SLC22A23: variants seen among roughly 807,000 people sequenced by gnomAD.
SLC22A23 encodes ion transporter protein.
Under a neutral mutation model 61.0 loss-of-function variants are expected in SLC22A23, and 26 were observed. The ratio of observed to expected loss-of-function variants is 0.43; its 90% CI spans 0.31 to 0.59. The LOEUF is 0.59. SLC22A23 is among the 20% of genes least tolerant of loss of function. The pLI, the probability that SLC22A23 is intolerant of heterozygous loss-of-function variation, is 0.11. For missense variants in SLC22A23, 796 were observed against 934.7 expected, an observed-to-expected ratio of 0.85 and a Z score of 1.94; for synonymous variants, 430 against 413.9, an observed-to-expected ratio of 1.04 and a Z score of -0.47.
chr6:3,433,788 C>T (rs543162967), intron 1 of SLC22A23, among the ~76,000 whole-genome samples: 316 of 152,268 alleles, frequency 2.1e-3, no homozygotes, highest in African/African-American at 7.2e-3. Flanking sequence ...ACTGACACGG[C>T]GGACCACAGG....
chr6:3,394,259 C>G (rs1282301463), intron 3 of SLC22A23, among the ~76,000 whole-genome samples: 1 of 152,112 alleles, frequency 6.6e-6, no homozygotes, highest in Non-Finnish European at 1.5e-5. Context: ...AGAACAAGAT[C>G]CGTGTATCAC....
rs1208394544 is a variant in SLC22A23 at position 3,270,160 on chromosome 6, A to T, written c.*2895T>A. The stretch of plus-strand genomic sequence containing the variant: ...AAGGCTGACAGGGTAGGCTAGCGGA[A>T]CGGAGGGGTGTGTGGAGGAGAGTAG... On this transcript the variant is annotated 3_prime_UTR_variant, in exon 10 of 10. Coordinates refer to ENST00000406686, the MANE Select transcript of SLC22A23 (RefSeq NM_015482.2). 6.6e-6 allele frequency: 1 copy of T among 152,388 alleles called. No individual in the cohort carries two copies. The highest frequency in any genetic ancestry group is 1.5e-5 in the Non-Finnish European group (1 of 68,066). 9.4% of individuals were successfully genotyped at this position (152,388 alleles called of 1,614,324 possible).
At chr6:3,406,388 G>A (rs559538612) in intron 3 of SLC22A23, among the ~76,000 whole-genome samples, 4 of 152,280 alleles carry the variant, frequency 2.6e-5, no homozygotes, top group South Asian at 2.1e-4. Flanking sequence ...AACCAATCAC[G>A]TCCGCCTATG....
rs531485668 is a variant in SLC22A23 at position 3,383,502 on chromosome 6, G to A, written c.913+26686C>T. On this transcript the variant is annotated intron_variant, in intron 3 of 9. Transcript: ENST00000406686. ...CCGTGGTTAAATAAAACCAAACCAT[G>A]TTGAACACAGAGTCAGTGTGACGAG... 2.3e-4 allele frequency among the ~76,000 whole-genome samples: 35 copies of A among 152,314 alleles called. No homozygotes were observed. The South Asian group carries it at 7.3e-3, about 32-fold the overall frequency.
chr6:3,428,928 A>G (rs1770679047), intron 1 of SLC22A23, among the ~76,000 whole-genome samples: 1 of 152,138 alleles, frequency 6.6e-6, no homozygotes, highest in Non-Finnish European at 1.5e-5. Flanking sequence ...AGCCTTTAGC[A>G]TGTTAATGTG....
intron 3 of SLC22A23, among the ~76,000 whole-genome samples, chr6:3,380,927 C>G (rs1366250007): frequency 6.6e-6 from 1 of 152,092 alleles, no homozygotes; most frequent in African/African-American, 2.4e-5. Flanking sequence ...ACTGAATGCT[C>G]CAGCCCAGAA....
intron 3 of SLC22A23, among the ~76,000 whole-genome samples, chr6:3,381,596 A>G (rs1302851597): frequency 1.3e-5 from 2 of 152,094 alleles, no homozygotes; most frequent in Admixed American, 6.5e-5. Context: ...TGTGCTCCCA[A>G]TCCCAGCTCT....
intron 3 of SLC22A23, among the ~76,000 whole-genome samples, chr6:3,353,885 G>A (rs1216602908): frequency 3.3e-5 from 5 of 152,288 alleles, no homozygotes; most frequent in Admixed American, 2.0e-4. Flanking sequence ...TGACAGCATC[G>A]AGGAAGCCTC....
In SLC22A23 at chr6:3,333,921, C is replaced by T. The variant is rs954533982; in HGVS notation, c.914-9919G>A. ...CTGCAGTATACTTTGCAAATATTAG[C>T]CACTGAATCCTCCTCATAAGCGGAT... On this transcript the variant is annotated intron_variant, in intron 3 of 9. Coordinates refer to ENST00000406686, the MANE Select transcript of SLC22A23 (RefSeq NM_015482.2). The surrounding 1 kb of genome is among the most constrained non-coding windows in gnomAD (Gnocchi z 4.1). 6.6e-6 allele frequency among the ~76,000 whole-genome samples: 1 copy of T among 152,228 alleles called. No individual in the cohort carries two copies. Among genetic ancestry groups the T allele is most frequent in the South Asian group, 2.1e-4 (1 of 4,836 alleles).
chr6:3,276,228 C>T (rs1197340526), intron 9 of SLC22A23, among the ~76,000 whole-genome samples: 1 of 152,214 alleles, frequency 6.6e-6, no homozygotes, highest in African/African-American at 2.4e-5. Context: ...TTGCAGTCCA[C>T]CCATCTGCAT....
chr6:3,287,992 T>C (rs1258100090), intron 6 of SLC22A23, among the ~76,000 whole-genome samples: 1 of 152,210 alleles, frequency 6.6e-6, no homozygotes, highest in South Asian at 2.1e-4. Flanking sequence ...GCCTCCGTTT[T>C]GATTCTTAAT....
In SLC22A23 at chr6:3,272,734, C is replaced by T. The variant is rs550400917; in HGVS notation, c.*321G>A. 20 of 199,506 alleles carry T rather than the reference C, an allele frequency of 1.0e-4. No individual in the cohort carries two copies. The South Asian group carries it at 2.0e-3, about 20-fold the overall frequency. The allele number at this position is 199,506 out of a possible 1,614,324, so 12.4% of individuals were successfully genotyped here. ...CTGTGGCATCTTCCCAGAGCAACTG[C>T]GTCTCGCTGCCCAGGGAGGTGATTC... On this transcript the variant is annotated 3_prime_UTR_variant, in exon 10 of 10. Transcript: ENST00000406686.
Position 3,309,084 on chromosome 6 carries a change from G to A in SLC22A23, c.1083-10866C>T, listed in dbSNP as rs1185614155. On this transcript the variant is annotated intron_variant, in intron 4 of 9. Coordinates refer to ENST00000406686, the MANE Select transcript of SLC22A23 (RefSeq NM_015482.2). This position sits in a 1 kb window ranked among gnomAD's most constrained non-coding sequence, Gnocchi z 4.7. The stretch of plus-strand genomic sequence containing the variant: ...GGAGGCTGAGGTGGGTGGATCATTT[G>A]AGGTCAGGAGTTTGAGACCAGCCTG... Among the ~76,000 whole-genome samples the A allele has an allele frequency of 1.3e-5, 2 of 151,478 alleles. No individual in the cohort carries two copies. The highest frequency in any genetic ancestry group is 3.9e-4 in the East Asian group (2 of 5,132).
In SLC22A23 at chr6:3,414,182, C is replaced by T. The variant is rs1025050520; in HGVS notation, c.758+1570G>A. ...TTAAATTATTTATTGAATAAGGACA[C>T]TACAACCCCAGTTGAGTTTGCATTT... On this transcript the variant is annotated intron_variant, in intron 2 of 9. Transcript: ENST00000406686. The surrounding 1 kb of genome is among the most constrained non-coding windows in gnomAD (Gnocchi z 5.1). Among the ~76,000 whole-genome samples, 2 of 152,196 alleles carry T rather than the reference C, an allele frequency of 1.3e-5. No homozygotes were observed. The highest frequency in any genetic ancestry group is 4.8e-5 in the African/African-American group (2 of 41,448).
chr6:3,433,128 A>G (rs1248189660), intron 1 of SLC22A23, among the ~76,000 whole-genome samples: 1 of 152,248 alleles, frequency 6.6e-6, no homozygotes, highest in Non-Finnish European at 1.5e-5. Flanking sequence ...AAACGCTCAC[A>G]TGCAAGAGAT....
At chr6:3,280,819 A>G in intron 9 of SLC22A23, among the ~76,000 whole-genome samples, 1 of 152,166 alleles carries the variant, frequency 6.6e-6, no homozygotes, top group Non-Finnish European at 1.5e-5. Context: ...TTTTTAAAGA[A>G]GTTGAACAGA....
At chr6:3,362,836 A>AT (rs749102883) in intron 3 of SLC22A23, among the ~76,000 whole-genome samples, 3 of 124,928 alleles carry the variant, frequency 2.4e-5, no homozygotes, top group Non-Finnish European at 5.2e-5. Context: ...TCGAATAAAG[A>AT]TTTTGAGGGC....
intron 9 of SLC22A23, among the ~76,000 whole-genome samples, chr6:3,277,587 C>T (rs1477566858): frequency 1.3e-5 from 2 of 152,198 alleles, no homozygotes; most frequent in Admixed American, 6.5e-5. Context: ...CTTGTGTAGC[C>T]CGAAGACACA....
chr6:3,320,209 C>T (rs1163368540), intron 4 of SLC22A23, among the ~76,000 whole-genome samples: 4 of 152,156 alleles, frequency 2.6e-5, no homozygotes, highest in African/African-American at 9.7e-5. Flanking sequence ...GGGAACTTCC[C>T]CTTCTTTCCC....
Sources: allele counts gnomAD v4.1 joint callset (sites outside exome capture counted in the v4.1 genomes callset), GRCh38; gene constraint gnomAD v4.1.1; non-coding constraint Gnocchi (gnomAD v3.1); transcripts MANE v1.5; gene names NCBI Gene and HGNC (gene_info 2026-07-23, HGNC 2026-07-21).